Variants in VASH2 observed in about 807,000 individuals in gnomAD.
VASH2 encodes the protein vasohibin 2.
VASH2 carries 28 observed loss-of-function variants against 37.2 expected under a neutral mutation model. The ratio of observed to expected loss-of-function variants is 0.75; its 90% CI spans 0.56 to 1.03. The LOEUF is 1.03. VASH2 is among the 50% of genes least tolerant of loss of function. VASH2 has a pLI of 0.00. For synonymous variants in VASH2, 188 were observed against 174.7 expected, an observed-to-expected ratio of 1.08 and a Z score of -0.60; for missense variants, 419 against 459.1, an observed-to-expected ratio of 0.91 and a Z score of 0.80.
chr1:212,969,519 T>A (rs550573836), intron 5 of VASH2, among the ~76,000 whole-genome samples: 2 of 152,140 alleles, frequency 1.3e-5, no homozygotes, highest in South Asian at 4.2e-4. Context: ...TGAGACGGAG[T>A]CTCGGTCTGT....
At position 212,966,290 on chromosome 1, in the gene VASH2, G is replaced by T; in HGVS notation, c.442G>T (p.Glu148Ter). 4 of 1,551,726 alleles carry T rather than the reference G, an allele frequency of 2.6e-6. No individual in the cohort carries two copies. The highest frequency in any genetic ancestry group is 3.5e-6 in the Non-Finnish European group (4 of 1,146,998). Reference protein sequence around the residue: ...PLSGLMETAKEMTRESLPIKC... With the variant: ...PLSGLMETAK ...CTACAGGTTAATGGAAACAGCAAAAGAAATGACCCGAGAGTCCTTGCCTAT... is the reference window on the plus strand; with the variant it reads ...CTACAGGTTAATGGAAACAGCAAAATAAATGACCCGAGAGTCCTTGCCTAT... The change falls in exon 5 of 8, where the codon GAA becomes TAA. Residue 148 changes from glutamate (E) to a stop codon, truncating the protein, a stop_gained. Transcript: ENST00000517399. LOFTEE classifies it high-confidence loss of function.
rs2102656972 is a variant in VASH2, at chr1:212,981,632, C to T, written c.996-6880C>T. On this transcript the variant is annotated intron_variant, in intron 7 of 7. Coordinates refer to ENST00000517399, the MANE Select transcript of VASH2 (RefSeq NM_001301056.2). Reference sequence around the variant, plus strand: ...CGTTTACAGTGGCACTTTTCCCACACTTCCCTTCCTGGACTCCCGAGCCTG... The same window carrying T: ...CGTTTACAGTGGCACTTTTCCCACATTTCCCTTCCTGGACTCCCGAGCCTG... Among the ~76,000 whole-genome samples, 3 of 152,332 alleles carry T rather than the reference C, an allele frequency of 2.0e-5. 1 individual carries two copies. The Middle Eastern group carries it at 0.01, about 518-fold the overall frequency.
At chr1:212,973,537 C>G in intron 6 of VASH2, 2 of 1,288,426 alleles carry the variant, frequency 1.6e-6, no homozygotes, top group Non-Finnish European at 2.0e-6. Context: ...GATTCCTGAT[C>G]AATTAAAACC....
Position 212,990,597 on chromosome 1 carries a change from A to C in VASH2, c.*2013A>C, listed in dbSNP as rs2075848899. The C allele has an allele frequency of 6.6e-6, 1 of 152,222 alleles. No homozygotes were observed. Among genetic ancestry groups the C allele is most frequent in the South Asian group, 2.1e-4 (1 of 4,826 alleles). The allele number at this position is 152,222 out of a possible 1,614,324, so 9.4% of individuals were successfully genotyped here. A position where few individuals can be genotyped will look rare whatever the true frequency, so the allele number is the denominator to read the frequency against. On this transcript the variant is annotated 3_prime_UTR_variant, in exon 8 of 8. Coordinates refer to ENST00000517399, the MANE Select transcript of VASH2 (RefSeq NM_001301056.2). ...GTTACATCTAAAATACAGAATGTCA[A>C]ATGGTTGCATAGCTTGTTTCCCACA...
Position 212,974,214 on chromosome 1 carries a change from G to C in VASH2, c.995+144G>C, listed in dbSNP as rs1041584294. On this transcript the variant is annotated intron_variant, in intron 7 of 7. Transcript: ENST00000517399. Reference sequence around the variant, plus strand: ...CAAGAGGACTGCCCCTCATTCAGGGGACATCTGTGGAAAAGGATCCACTGG... The same window carrying C: ...CAAGAGGACTGCCCCTCATTCAGGGCACATCTGTGGAAAAGGATCCACTGG... 8 of 1,101,394 alleles carry C rather than the reference G, an allele frequency of 7.3e-6. No homozygotes were observed. The Admixed American group carries it at 1.2e-4, about 17-fold the overall frequency. 68.2% of individuals were successfully genotyped at this position (1,101,394 alleles called of 1,614,324 possible). A position where few individuals can be genotyped will look rare whatever the true frequency, so the allele number is the denominator to read the frequency against.
intron 3 of VASH2, among the ~76,000 whole-genome samples, chr1:212,965,294 C>T (rs566758386): frequency 2.1e-4 from 32 of 152,214 alleles, no homozygotes; most frequent in African/African-American, 5.8e-4. Flanking sequence ...ACCTGAGGTC[C>T]CAGCTACTTG....
chr1:212,957,718 C>A (rs1413443996), intron 2 of VASH2, among the ~76,000 whole-genome samples: 2 of 150,090 alleles, frequency 1.3e-5, no homozygotes, highest in African/African-American at 4.9e-5. Flanking sequence ...TTAAGCAATT[C>A]TCCTGCCTCA....
intron 5 of VASH2, chr1:212,968,639 C>T (rs545382932): frequency 1.0e-6 from 1 of 985,546 alleles, no homozygotes; most frequent in African/African-American, 1.7e-5. Context: ...GGAGATGAAA[C>T]ATGTGCCTGG....
At chr1:212,986,705 C>T (rs1392249782) in intron 7 of VASH2, among the ~76,000 whole-genome samples, 1 of 151,034 alleles carries the variant, frequency 6.6e-6, no homozygotes, top group African/African-American at 2.4e-5. Flanking sequence ...ACACCATCCC[C>T]TGAAGGATGG....
In VASH2 at chr1:212,967,449, G is replaced by A. The variant is rs1047983234; in HGVS notation, c.497+1104G>A. On this transcript the variant is annotated intron_variant, in intron 5 of 7. Transcript: ENST00000517399. ...ATGGCTGTAAGGGACAGTGGAAAAG[G>A]AAACACTGCAAGACAGGAGCTTGAG... 3.4e-6 allele frequency: 4 copies of A among 1,170,518 alleles called. No individual in the cohort carries two copies. In the South Asian group the frequency reaches 6.9e-5, roughly 20 times the overall value. 72.5% of individuals were successfully genotyped at this position (1,170,518 alleles called of 1,614,324 possible).
At position 212,989,320 on chromosome 1, in the gene VASH2, A is replaced by T. The variant is rs2102669093; in HGVS notation, c.*736A>T. The T allele has an allele frequency of 6.6e-6, 1 of 152,392 alleles. No individual in the cohort carries two copies. The highest frequency in any genetic ancestry group is 1.9e-4 in the East Asian group (1 of 5,196). The allele number at this position is 152,392 out of a possible 1,614,324, so 9.4% of individuals were successfully genotyped here. On this transcript the variant is annotated 3_prime_UTR_variant, in exon 8 of 8. Coordinates refer to ENST00000517399, the MANE Select transcript of VASH2 (RefSeq NM_001301056.2). Reference sequence around the variant, plus strand: ...TTTGTTTTTTCAAAATGAAACAAAAATATCACATTGAGAAGCTAGTCTATG... The same window carrying T: ...TTTGTTTTTTCAAAATGAAACAAAATTATCACATTGAGAAGCTAGTCTATG...
At chr1:212,973,800 G>A (rs774481965) in intron 6 of VASH2, 155 bp from the exon 7 acceptor site, 78 of 1,411,082 alleles carry the variant, frequency 5.5e-5, no homozygotes, top group Non-Finnish European at 6.8e-5. Context: ...GAATGTGTGT[G>A]TCTCCAGCCT....
At chr1:212,978,483 C>G (rs1350298296) in intron 7 of VASH2, among the ~76,000 whole-genome samples, 2 of 152,184 alleles carry the variant, frequency 1.3e-5, no homozygotes, top group African/African-American at 4.8e-5. Flanking sequence ...GCCCCAAAGT[C>G]GATCCCAGCC....
chr1:212,974,011 C>T lies in VASH2; in HGVS notation c.936C>T (p.Ser312=), dbSNP rs1667100289. The change falls in exon 7 of 8, where the codon TCC becomes TCT. Residue 312 remains serine, a synonymous_variant. Transcript: ENST00000517399. The part of the protein sequence containing the change: ...SPTQVRSRGK[S]LSPRRRQASP... The stretch of plus-strand genomic sequence containing the variant: ...CCCAAGTGAGAAGCCGGGGAAAATC[C>T]CTGTCCCCCAGAAGGAGACAGGCAA... 3.1e-6 allele frequency: 5 copies of T among 1,613,954 alleles called. No homozygotes were observed. The highest frequency in any genetic ancestry group is 2.7e-5 in the African/African-American group (2 of 75,032).
In VASH2 at chr1:212,971,999, T is replaced by C. The variant is rs768600752; in HGVS notation, c.498-581T>C. On this transcript the variant is annotated intron_variant, in intron 5 of 7. Coordinates refer to ENST00000517399, the MANE Select transcript of VASH2 (RefSeq NM_001301056.2). The surrounding 1 kb of genome is among the most constrained non-coding windows in gnomAD (Gnocchi z 4.0). ...GCACCAAGTGCCATGGGGGTTCTTGTGTGTTTTGGAAAGATGATCCCAGGC... is the reference window on the plus strand; with the variant it reads ...GCACCAAGTGCCATGGGGGTTCTTGCGTGTTTTGGAAAGATGATCCCAGGC... Among the ~76,000 whole-genome samples the C allele has an allele frequency of 6.6e-6, 1 of 152,106 alleles. No individual in the cohort carries two copies. Among genetic ancestry groups the C allele is most frequent in the Non-Finnish European group, 1.5e-5 (1 of 68,014 alleles).
In VASH2 at chr1:212,973,782, C is replaced by T. The variant is rs770968764; in HGVS notation, c.880-173C>T. On this transcript the variant is annotated intron_variant, in intron 6 of 7. Coordinates refer to ENST00000517399, the MANE Select transcript of VASH2 (RefSeq NM_001301056.2). ...GCCCTTGCTGCTTGACAGTACAGGA[C>T]GAGAGAGGAATGTGTGTGTCTCCAG... The T allele has an allele frequency of 2.0e-5, 28 of 1,393,122 alleles. 1 individual carries two copies. The highest frequency in any genetic ancestry group is 1.4e-4 in the South Asian group (9 of 65,962). 86.3% of individuals were successfully genotyped at this position (1,393,122 alleles called of 1,614,324 possible). A position where few individuals can be genotyped will look rare whatever the true frequency, so the allele number is the denominator to read the frequency against.
In VASH2 at chr1:212,951,851, G is replaced by A. The variant is rs376354871; in HGVS notation, c.276+33G>A. ...GCTTCCAGGGCGGAGTTGGGGGGCT[G>A]GGGGTAGGTAGGCAGCGATGGGACC... On this transcript the variant is annotated intron_variant, in intron 2 of 7. Coordinates refer to ENST00000517399, the MANE Select transcript of VASH2 (RefSeq NM_001301056.2). This position sits in a 1 kb window ranked among gnomAD's most constrained non-coding sequence, Gnocchi z 4.4. The A allele has an allele frequency of 1.3e-6, 2 of 1,581,206 alleles. No homozygotes were observed. Among genetic ancestry groups the A allele is most frequent in the South Asian group, 2.3e-5 (2 of 87,400 alleles).
chr1:212,963,474 C>A (rs1222339741), intron 3 of VASH2, among the ~76,000 whole-genome samples: 3 of 152,160 alleles, frequency 2.0e-5, no homozygotes, highest in African/African-American at 7.2e-5. Flanking sequence ...TGGTTGGCAT[C>A]AGTCCTGACT....
intron 7 of VASH2, among the ~76,000 whole-genome samples, chr1:212,985,148 A>C (rs535861559): frequency 3.0e-3 from 449 of 150,144 alleles, no homozygotes; most frequent in Non-Finnish European, 5.2e-3. Flanking sequence ...CAGCCTTCCA[A>C]GTAGCTGGGA....
Sources: allele counts gnomAD v4.1 joint callset (sites outside exome capture counted in the v4.1 genomes callset), GRCh38; gene constraint gnomAD v4.1.1; non-coding constraint Gnocchi (gnomAD v3.1); transcripts MANE v1.5; gene names NCBI Gene and HGNC (gene_info 2026-07-23, HGNC 2026-07-21).